Variants in NYAP2 observed in about 807,000 individuals in gnomAD.
NYAP2 encodes neuronal tyrosine-phosphorylated phosphoinositide-3-kinase adapter 2.
In NYAP2, 23 loss-of-function variants were observed where a neutral mutation model predicts 50.4. That is an observed-to-expected ratio of 0.46 (90% confidence interval 0.33 to 0.65). The LOEUF (loss-of-function observed/expected upper bound fraction) is 0.65, where lower values mean the gene tolerates loss of function less well. Among genes scored for constraint, NYAP2 ranks in the 30% least tolerant of loss-of-function variants. NYAP2 has a pLI of 0.02. For synonymous variants in NYAP2, 394 were observed against 365.2 expected, an observed-to-expected ratio of 1.08 and a Z score of -0.90; for missense variants, 885 against 861.0, an observed-to-expected ratio of 1.03 and a Z score of -0.35.
At chr2:225,686,278 G>A in the NYAP2 span, among the ~76,000 whole-genome samples, 2 of 152,228 alleles carry the variant, frequency 1.3e-5, no homozygotes, top group East Asian at 1.9e-4. Context: ...CAAATGTGAT[G>A]TATTTTCTAG....
chr2:225,429,063 CA>C (rs749755911), intron 3 of NYAP2, among the ~76,000 whole-genome samples: 4 of 151,934 alleles, frequency 2.6e-5, no homozygotes, highest in Admixed American at 6.6e-5. Context: ...AGAAATTCTC[CA>C]AAATCATATC....
chr2:225,423,637 A>AT (rs1302383665), intron 3 of NYAP2, among the ~76,000 whole-genome samples: 5 of 152,136 alleles, frequency 3.3e-5, no homozygotes, highest in African/African-American at 4.8e-5. Flanking sequence ...ATGCATGTTT[A>AT]TTTTTTAATG....
chr2:225,435,256 A>G (rs1210113578), intron 3 of NYAP2, among the ~76,000 whole-genome samples: 1 of 152,232 alleles, frequency 6.6e-6, no homozygotes, highest in African/African-American at 2.4e-5. Context: ...TAAAGGCATC[A>G]TTTTATTTTA....
intron 3 of NYAP2, among the ~76,000 whole-genome samples, chr2:225,492,458 G>C (rs185581507): frequency 2.1e-3 from 315 of 152,128 alleles, no homozygotes; most frequent in African/African-American, 7.2e-3. Flanking sequence ...GCAAAACAGG[G>C]GCATGGTAAT....
At chr2:225,590,529 C>G (rs745704221) in intron 5 of NYAP2, among the ~76,000 whole-genome samples, 3 of 152,182 alleles carry the variant, frequency 2.0e-5, no homozygotes, top group Non-Finnish European at 4.4e-5. Context: ...TAATGATAAT[C>G]CCTGGTGATA....
At chr2:225,505,500 A>G (rs767834294) in intron 3 of NYAP2, among the ~76,000 whole-genome samples, 2 of 152,226 alleles carry the variant, frequency 1.3e-5, no homozygotes, top group African/African-American at 4.8e-5. Flanking sequence ...TTTAAAAACT[A>G]TATATGGGGC....
intron 3 of NYAP2, among the ~76,000 whole-genome samples, chr2:225,448,645 C>T (rs1193509915): frequency 6.6e-6 from 1 of 152,026 alleles, no homozygotes; most frequent in Non-Finnish European, 1.5e-5. Context: ...TTCAATATTC[C>T]CAGTAGGGCT....
At chr2:225,688,734 T>A in the NYAP2 span, among the ~76,000 whole-genome samples, 1 of 152,094 alleles carries the variant, frequency 6.6e-6, no homozygotes, top group African/African-American at 2.4e-5. Flanking sequence ...AAATAGAAAA[T>A]CAACTTTTTT....
At chr2:225,508,594 C>G (rs553976445) in intron 3 of NYAP2, among the ~76,000 whole-genome samples, 1 of 152,210 alleles carries the variant, frequency 6.6e-6, no homozygotes, top group South Asian at 2.1e-4. Context: ...GATCACAATG[C>G]AGGTCTAGCA....
chr2:225,666,515 G>T, the NYAP2 span, among the ~76,000 whole-genome samples: 1 of 152,164 alleles, frequency 6.6e-6, no homozygotes, highest in African/African-American at 2.4e-5. Flanking sequence ...TCAGAAACGC[G>T]AGACAACTCA....
intron 4 of NYAP2, among the ~76,000 whole-genome samples, chr2:225,525,675 T>C (rs1306512885): frequency 6.6e-6 from 1 of 152,106 alleles, no homozygotes; most frequent in East Asian, 1.9e-4. Context: ...GTGGATACAA[T>C]GTGCACTATT....
chr2:225,519,027 TAAAATG>T (rs1467474119), intron 4 of NYAP2, among the ~76,000 whole-genome samples: 1 of 151,634 alleles, frequency 6.6e-6, no homozygotes, highest in East Asian at 1.9e-4. Flanking sequence ...CAAAAATAAA[TAAAATG>T]AAAATAAGGA....
intron 3 of NYAP2, among the ~76,000 whole-genome samples, chr2:225,449,598 TCTC>T (rs1243393005): frequency 6.8e-6 from 1 of 146,404 alleles, no homozygotes; most frequent in Non-Finnish European, 1.5e-5. Context: ...TCTCTCTCTT[TCTC>T]TTTTTTTTTT....
chr2:225,625,867 T>C (rs1269008041), intron 5 of NYAP2, among the ~76,000 whole-genome samples: 3 of 152,200 alleles, frequency 2.0e-5, no homozygotes, highest in Non-Finnish European at 2.9e-5. Context: ...AAGGAGCTTA[T>C]ACTTTGAGGA....
chr2:225,519,594 C>T (rs1376142494), intron 4 of NYAP2, among the ~76,000 whole-genome samples: 1 of 152,092 alleles, frequency 6.6e-6, no homozygotes, highest in Non-Finnish European at 1.5e-5. Context: ...CTACAAAGGA[C>T]ATGAACTCAT....
At chr2:225,402,760 G>A (rs934004246) in intron 2 of NYAP2, among the ~76,000 whole-genome samples, 7 of 152,012 alleles carry the variant, frequency 4.6e-5, no homozygotes, top group African/African-American at 1.7e-4. Flanking sequence ...GCATTTTGAT[G>A]ACACTGAGAA....
intron 4 of NYAP2, among the ~76,000 whole-genome samples, chr2:225,520,553 T>A (rs1339558446): frequency 6.6e-6 from 1 of 152,206 alleles, no homozygotes; most frequent in Non-Finnish European, 1.5e-5. Context: ...TGCTTGTTTT[T>A]CTCAGGTTTG....
intron 4 of NYAP2, among the ~76,000 whole-genome samples, chr2:225,557,189 T>C (rs1691792557): frequency 1.3e-5 from 2 of 152,234 alleles, no homozygotes; most frequent in African/African-American, 4.8e-5. Flanking sequence ...AATAGCCACC[T>C]ATTAAAGATT....
In NYAP2 at chr2:225,515,753, A is replaced by G. The variant is rs527751697; in HGVS notation, c.523+2081A>G. ...TTCTGTGATTCTCTGTGCAGAAGTC[A>G]CCACTGTCCTACTTCTACTGCCAGA... is the stretch of plus-strand genomic sequence containing the variant. On this transcript the variant is annotated intron_variant, in intron 4 of 6. Coordinates refer to ENST00000636099, the Ensembl canonical transcript of NYAP2. Among the ~76,000 whole-genome samples, 222 of 152,264 alleles carry G rather than the reference A, an allele frequency of 1.5e-3. 1 individual carries two copies. The highest frequency in any genetic ancestry group is 0.01 in the Middle Eastern group (3 of 294).
Sources: allele counts gnomAD v4.1 joint callset (sites outside exome capture counted in the v4.1 genomes callset), GRCh38; gene constraint gnomAD v4.1.1; transcripts MANE v1.5; gene names NCBI Gene and HGNC (gene_info 2026-07-23, HGNC 2026-07-21).